PCDHGB1: variants seen among roughly 807,000 people sequenced by gnomAD.
The protein encoded by PCDHGB1 is protocadherin gamma-B1.
A neutral mutation model predicts 56.6 loss-of-function variants in PCDHGB1; 34 were observed. The ratio of observed to expected loss-of-function variants is 0.60; its 90% CI spans 0.46 to 0.80. The LOEUF (loss-of-function observed/expected upper bound fraction) is 0.80. Ranked by LOEUF, PCDHGB1 falls within the 30% of genes least tolerant of loss-of-function variation. PCDHGB1 has a pLI of 0.00. For synonymous variants in PCDHGB1, 561 were observed against 505.9 expected (o/e 1.11, Z -1.46); for missense variants, 1,278 against 1,204.6 (o/e 1.06, Z -0.90).
At chr5:141,410,441 A>C (rs1242063924) in intron 1 of PCDHGB1, 1 of 1,613,828 alleles carries the variant, frequency 6.2e-7, no homozygotes, top group South Asian at 1.1e-5. Flanking sequence ...CAGTGAGGGG[A>C]CTTTGCCTTA....
In PCDHGB1 at chr5:141,352,086, A is replaced by T; in HGVS notation, c.1826A>T (p.Glu609Val). Residue 609 changes from glutamate (E) to valine (V), a missense_variant, in exon 1 of 4, where the codon GAG becomes GTG. Transcript: ENST00000523390. The part of the protein sequence containing the change: ...WLSYHVLQAS[E>V]PGLFSLGLRT... ...TCCTACCACGTGCTGCAGGCCAGCG[A>T]GCCCGGGCTCTTCAGCCTGGGGTTG... 1 of 1,605,322 alleles carries T rather than the reference A, an allele frequency of 6.2e-7. No homozygotes were observed. The highest frequency in any genetic ancestry group is 8.5e-7 in the Non-Finnish European group (1 of 1,176,714).
chr5:141,465,257 T>C (rs968727090), intron 1 of PCDHGB1, among the ~76,000 whole-genome samples: 19 of 152,310 alleles, frequency 1.2e-4, no homozygotes, highest in Admixed American at 1.2e-3. Flanking sequence ...TTGTAAGCAA[T>C]GATACTAGCC....
rs771321011 is a variant in PCDHGB1 at position 141,371,062 on chromosome 5, G to A, written c.2409+18393G>A. On this transcript the variant is annotated intron_variant, in intron 1 of 3. Coordinates refer to ENST00000523390, the MANE Select transcript of PCDHGB1 (RefSeq NM_018922.3). ...GTGGATGGGGGCGAGCCCTCCAGAA[G>A]CTGTACCACCCAGATCAGGGTAATT... 4 of 1,613,856 alleles carry A rather than the reference G, an allele frequency of 2.5e-6. No homozygotes were observed. The highest frequency in any genetic ancestry group is 3.4e-6 in the Non-Finnish European group (4 of 1,179,884).
intron 1 of PCDHGB1, chr5:141,415,045 G>C: frequency 6.2e-7 from 1 of 1,613,538 alleles, no homozygotes; most frequent in Non-Finnish European, 8.5e-7. Flanking sequence ...CTTCGCGGTG[G>C]GGGAGCACAC....
chr5:141,424,169 A>G (rs542346399), intron 1 of PCDHGB1: 20 of 225,850 alleles, frequency 8.9e-5, no homozygotes, highest in Middle Eastern at 2.3e-3. Context: ...TCATCTATCT[A>G]TCTATACACA....
chr5:141,379,662 C>T (rs995589385), intron 1 of PCDHGB1: 1 of 152,126 alleles, frequency 6.6e-6, no homozygotes, highest in Non-Finnish European at 1.5e-5. Flanking sequence ...TCTACTCTCA[C>T]AAAAGTCATT....
chr5:141,497,538 AC>A lies in PCDHGB1; in HGVS notation c.2468+2675del, dbSNP rs1247704872. Among the ~76,000 whole-genome samples, 601 of 142,636 alleles carry A rather than the reference AC, an allele frequency of 4.2e-3. 3 individuals are homozygous for A. Among genetic ancestry groups the A allele is most frequent in the African/African-American group, 0.013 (497 of 38,408 alleles). The allele number at this position is 142,636 out of a possible 152,430, so 93.6% of individuals were successfully genotyped here. On this transcript the variant is annotated intron_variant, in intron 2 of 3. Coordinates refer to ENST00000523390, the MANE Select transcript of PCDHGB1 (RefSeq NM_018922.3). ...AGTTAACTTGTGGAGGATGCAACAA[AC>A]CTTTTTTTTTTTTTTTTTTAGACAG...
At chr5:141,364,288 A>T in intron 1 of PCDHGB1, 2 of 1,517,690 alleles carry the variant, frequency 1.3e-6, no homozygotes, top group Non-Finnish European at 1.8e-6. Context: ...AGGAAACAGC[A>T]GGCTGAACCA....
At chr5:141,388,877 G>A in intron 1 of PCDHGB1, 1 of 1,613,936 alleles carries the variant, frequency 6.2e-7, no homozygotes, top group Non-Finnish European at 8.5e-7. Flanking sequence ...AATGCACAGT[G>A]GAGGTAGAAG....
At position 141,432,143 on chromosome 5, in the gene PCDHGB1, C is replaced by A; in HGVS notation, c.2410-62664C>A. The A allele has an allele frequency of 6.2e-7, 1 of 1,614,084 alleles. No homozygotes were observed. Among genetic ancestry groups the A allele is most frequent in the South Asian group, 1.1e-5 (1 of 91,068 alleles). On this transcript the variant is annotated intron_variant, in intron 1 of 3. Transcript: ENST00000523390. The surrounding 1 kb of genome is among the most constrained non-coding windows in gnomAD (Gnocchi z 6.0). ...TCAGGCCTCCTATTCCGCTTATATC[C>A]CAGAGAACAATCCCAGAGGAGTTTC... is the stretch of plus-strand genomic sequence containing the variant.
At chr5:141,382,861 TC>T in intron 1 of PCDHGB1, 1 of 1,514,402 alleles carries the variant, frequency 6.6e-7, no homozygotes, top group South Asian at 1.3e-5. Flanking sequence ...CTGAAGCACT[TC>T]CCGAGATCGG....
rs988435575 is a variant in PCDHGB1, at chr5:141,351,635, G to A, written c.1375G>A (p.Glu459Lys). 6.2e-7 allele frequency: 1 copy of A among 1,614,044 alleles called. No individual in the cohort carries two copies. The highest frequency in any genetic ancestry group is 1.7e-5 in the Admixed American group (1 of 60,034). ...HQASYVVHVS[E>K]NNPPGASIAQ... ...GGCCTCCTATGTGGTCCACGTGTCT[G>A]AGAACAACCCACCTGGCGCCTCCAT... is the stretch of plus-strand genomic sequence containing the variant. Residue 459 changes from glutamate to lysine, a missense_variant, in exon 1 of 4, where the codon GAG becomes AAG. Transcript: ENST00000523390.
Position 141,505,350 on chromosome 5 carries a change from G to A in PCDHGB1, c.2469-43G>A, listed in dbSNP as rs367663588. ...AGAGGACAGGAGGGGCATGAGCTGT[G>A]CCGGCCTGGGAGTCTGTGCTCACCA... On this transcript the variant is annotated intron_variant, in intron 2 of 3. Transcript: ENST00000523390. The A allele has an allele frequency of 4.3e-6, 7 of 1,613,264 alleles. No homozygotes were observed. In the African/African-American group the frequency reaches 6.7e-5, roughly 15 times the overall value.
rs767397479 is a variant in PCDHGB1 at position 141,430,717 on chromosome 5, T to C, written c.2410-64090T>C. On this transcript the variant is annotated intron_variant, in intron 1 of 3. Transcript: ENST00000523390. ...GCGAAGGAACTGCTCCTGACTTCAG[T>C]GGTTAAGGGCAGAATTGAAAATAAT... is the stretch of plus-strand genomic sequence containing the variant. The C allele has an allele frequency of 8.1e-6, 12 of 1,475,446 alleles. No individual in the cohort carries two copies. The East Asian group carries it at 2.4e-4, about 29-fold the overall frequency. 91.4% of individuals were successfully genotyped at this position (1,475,446 alleles called of 1,614,324 possible). A position where few individuals can be genotyped will look rare whatever the true frequency, so the allele number is the denominator to read the frequency against.
chr5:141,409,659 A>C, intron 1 of PCDHGB1: 1 of 1,613,574 alleles, frequency 6.2e-7, no homozygotes, highest in Non-Finnish European at 8.5e-7. Flanking sequence ...CTCAATGGCC[A>C]CATCTCCTAC....
chr5:141,466,278 T>G (rs1459665755), intron 1 of PCDHGB1, among the ~76,000 whole-genome samples: 1 of 152,128 alleles, frequency 6.6e-6, no homozygotes, highest in Non-Finnish European at 1.5e-5. Context: ...TCAAGCAATC[T>G]TCCCACCTCA....
At chr5:141,428,129 C>G (rs1449809875) in intron 1 of PCDHGB1, 1 of 1,603,218 alleles carries the variant, frequency 6.2e-7, no homozygotes, top group Non-Finnish European at 8.5e-7. Context: ...CCGGGCTTTT[C>G]AGCCTGGGGC....
chr5:141,508,540 G>A (rs993826709), intron 3 of PCDHGB1, among the ~76,000 whole-genome samples: 3 of 152,144 alleles, frequency 2.0e-5, no homozygotes, highest in African/African-American at 4.8e-5. Flanking sequence ...CCCCCCACGA[G>A]GTGGGCGGGG....
At chr5:141,478,904 T>G in intron 1 of PCDHGB1, 1 of 958,800 alleles carries the variant, frequency 1.0e-6, no homozygotes, top group Non-Finnish European at 1.5e-6. Context: ...AGGAATAAGC[T>G]GCTGGATACC....
Sources: allele counts gnomAD v4.1 joint callset (sites outside exome capture counted in the v4.1 genomes callset), GRCh38; gene constraint gnomAD v4.1.1; non-coding constraint Gnocchi (gnomAD v3.1); transcripts MANE v1.5; gene names NCBI Gene and HGNC (gene_info 2026-07-23, HGNC 2026-07-21).